The following TSPEAR variants were observed in gnomAD, a reference collection of about 807,000 sequenced individuals.
The protein encoded by TSPEAR is thrombospondin type laminin G domain and EAR repeats.
A neutral mutation model predicts 71.6 loss-of-function variants in TSPEAR; 69 were observed. That is an observed-to-expected ratio of 0.96 (90% CI 0.79 to 1.18). The LOEUF is 1.18. Among genes scored for constraint, TSPEAR ranks in the 50% most tolerant of loss-of-function variants. TSPEAR has a pLI of 0.00. For missense variants in TSPEAR, 971 were observed against 894.9 expected (o/e 1.09, Z -1.09); for synonymous variants, 402 against 387.2 (o/e 1.04, Z -0.45).
chr21:44,533,034 G>A (rs914809840), intron 3 of TSPEAR, among the ~76,000 whole-genome samples: 7 of 152,206 alleles, frequency 4.6e-5, no homozygotes, highest in South Asian at 2.1e-4. Flanking sequence ...CCACAGTGCC[G>A]GTCCCCTGCC....
chr21:44,578,753 C>T (rs1978644041), intron 1 of TSPEAR, among the ~76,000 whole-genome samples: 1 of 152,164 alleles, frequency 6.6e-6, no homozygotes, highest in African/African-American at 2.4e-5. Flanking sequence ...ACCGCAGCCC[C>T]TGGAAGGCCA....
Position 44,627,899 on chromosome 21 carries a change from G to A in TSPEAR, c.83-59894C>T, listed in dbSNP as rs587683267. On this transcript the variant is annotated intron_variant, in intron 1 of 11. Coordinates refer to ENST00000323084, the MANE Select transcript of TSPEAR (RefSeq NM_144991.3). The stretch of plus-strand genomic sequence containing the variant: ...TGCCGCCCTGTGTGCAGGCCCGCCT[G>A]CTGCGTGCCCGTCTCCTCCTGCTGT... 3.7e-6 allele frequency: 6 copies of A among 1,611,588 alleles called. No homozygotes were observed. In the South Asian group the frequency reaches 5.5e-5, roughly 15 times the overall value.
chr21:44,591,488 T>G, intron 1 of TSPEAR: 1 of 1,613,880 alleles, frequency 6.2e-7, no homozygotes. Flanking sequence ...CGGCAGCAGC[T>G]GGGCTGGCAG....
In TSPEAR at chr21:44,583,509, T is replaced by G. The variant is rs78973051; in HGVS notation, c.83-15504A>C. ...GCCTTGGTCTCGTGCATGCAGTGTT[T>G]TTTCACTCTAGTTTACCAAGAATTT... is the stretch of plus-strand genomic sequence containing the variant. On this transcript the variant is annotated intron_variant, in intron 1 of 11. Coordinates refer to ENST00000323084, the MANE Select transcript of TSPEAR (RefSeq NM_144991.3). 5.5e-3 allele frequency among the ~76,000 whole-genome samples: 840 copies of G among 152,302 alleles called. 4 individuals are homozygous for G. Among genetic ancestry groups the G allele is most frequent in the African/African-American group, 0.019 (788 of 41,554 alleles).
chr21:44,556,274 G>A (rs1555919763), intron 2 of TSPEAR, among the ~76,000 whole-genome samples: 1 of 151,884 alleles, frequency 6.6e-6, no homozygotes, highest in African/African-American at 2.4e-5. Context: ...TATTCAGGAG[G>A]CTGAGGGAGA....
chr21:44,582,852 T>C (rs1459357952), intron 1 of TSPEAR, among the ~76,000 whole-genome samples: 1 of 32,208 alleles, frequency 3.1e-5, no homozygotes, highest in Non-Finnish European at 7.9e-5. Context: ...CTTTTCTTTT[T>C]TGACACACAG....
chr21:44,533,943 C>A lies in TSPEAR; in HGVS notation c.304-20G>T. On this transcript the variant is annotated intron_variant, in intron 2 of 11. Transcript: ENST00000323084. ...GTTCCTCTGTGGAGAGCGGGCCAGG[C>A]TCAGGACGGGGCTGGGGGTAGGGGT... 6.3e-7 allele frequency: 1 copy of A among 1,583,170 alleles called. No homozygotes were observed. The highest frequency in any genetic ancestry group is 8.6e-7 in the Non-Finnish European group (1 of 1,156,622).
intron 1 of TSPEAR, among the ~76,000 whole-genome samples, chr21:44,631,296 T>A (rs1601508282): frequency 6.6e-6 from 1 of 151,754 alleles, no homozygotes; most frequent in South Asian, 2.1e-4. Context: ...AATTCTGGAG[T>A]TGAAAAGTAT....
intron 1 of TSPEAR, among the ~76,000 whole-genome samples, chr21:44,579,170 C>G (rs1978689495): frequency 6.6e-6 from 1 of 152,168 alleles, no homozygotes; most frequent in African/African-American, 2.4e-5. Flanking sequence ...GGTGGGCTCT[C>G]CCAGGTGGGA....
intron 1 of TSPEAR, among the ~76,000 whole-genome samples, chr21:44,689,467 A>G (rs1987014286): frequency 6.6e-6 from 1 of 150,692 alleles, no homozygotes; most frequent in African/African-American, 2.4e-5. Flanking sequence ...ATGCCACTGC[A>G]CTCCAGCCTG....
intron 3 of TSPEAR, among the ~76,000 whole-genome samples, chr21:44,532,815 C>T (rs942717201): frequency 2.0e-5 from 3 of 152,196 alleles, no homozygotes; most frequent in East Asian, 1.9e-4. Flanking sequence ...AAACGAGAAA[C>T]GAACTCGGCT....
intron 1 of TSPEAR, among the ~76,000 whole-genome samples, chr21:44,634,984 C>T (rs1555936365): frequency 1.3e-5 from 2 of 152,322 alleles, no homozygotes; most frequent in East Asian, 1.9e-4. Context: ...TACAACTCAT[C>T]AGTTCCCACT....
chr21:44,569,806 G>A (rs1187809318), intron 1 of TSPEAR, among the ~76,000 whole-genome samples: 4 of 152,010 alleles, frequency 2.6e-5, no homozygotes, highest in African/African-American at 7.3e-5. Context: ...GGAGGCTGCT[G>A]TGTGTGTTTA....
chr21:44,676,035 C>G (rs1460994236), intron 1 of TSPEAR: 1 of 880,316 alleles, frequency 1.1e-6, no homozygotes, highest in Non-Finnish European at 2.0e-6. Context: ...GCTACTAGCT[C>G]CAGATCACCA....
At chr21:44,605,248 A>G (rs1325431460) in intron 1 of TSPEAR, among the ~76,000 whole-genome samples, 2 of 152,238 alleles carry the variant, frequency 1.3e-5, no homozygotes, top group Non-Finnish European at 2.9e-5. Flanking sequence ...ATATTTAACC[A>G]AGGAGGTGAA....
rs781913842 is a variant in TSPEAR at position 44,558,443 on chromosome 21, T to G, written c.303+9342A>C. On this transcript the variant is annotated intron_variant, in intron 2 of 11. Coordinates refer to ENST00000323084, the MANE Select transcript of TSPEAR (RefSeq NM_144991.3). ...AGCAGGCCTGCTGGCAGGGGGAGGA[T>G]GTGCAGCAAGCTGGCTGGCAGCTAG... is the stretch of plus-strand genomic sequence containing the variant. 110 of 1,612,362 alleles carry G rather than the reference T, an allele frequency of 6.8e-5. No individual in the cohort carries two copies. In the Admixed American group the frequency reaches 8.2e-4, roughly 12 times the overall value.
At chr21:44,599,256 T>C (rs1980610390) in intron 1 of TSPEAR, among the ~76,000 whole-genome samples, 1 of 151,910 alleles carries the variant, frequency 6.6e-6, no homozygotes, top group African/African-American at 2.4e-5. Context: ...GTTCAAAATA[T>C]ACAGAAAGAC....
chr21:44,706,843 G>T (rs1022773981), intron 1 of TSPEAR, among the ~76,000 whole-genome samples: 3 of 152,134 alleles, frequency 2.0e-5, no homozygotes, highest in Non-Finnish European at 2.9e-5. Context: ...GATTGGATTC[G>T]CCAGAGCCTC....
intron 1 of TSPEAR, among the ~76,000 whole-genome samples, chr21:44,580,779 G>A (rs75563567): frequency 0.013 from 2,007 of 152,220 alleles, 38 homozygotes; most frequent in African/African-American, 0.046. Context: ...CTGGAGATGC[G>A]TCATTCATGC....
Sources: allele counts gnomAD v4.1 joint callset (sites outside exome capture counted in the v4.1 genomes callset), GRCh38; gene constraint gnomAD v4.1.1; transcripts MANE v1.5; gene names NCBI Gene and HGNC (gene_info 2026-07-23, HGNC 2026-07-21).